NSUN3: variants seen among roughly 807,000 people sequenced by gnomAD.
NSUN3 encodes NOP2/Sun RNA methyltransferase 3.
Under a neutral mutation model 36.8 loss-of-function variants are expected in NSUN3, and 24 were observed. The observed-to-expected ratio is 0.65, with a 90% CI of 0.47 to 0.92. The LOEUF (loss-of-function observed/expected upper bound fraction) is 0.92. NSUN3 is among the 40% of genes least tolerant of loss of function. The pLI, the probability that NSUN3 is intolerant of heterozygous loss-of-function variation, is 0.00. For synonymous variants in NSUN3, 146 were observed against 145.2 expected (o/e 1.01, Z -0.04); for missense variants, 381 against 392.8 (o/e 0.97, Z 0.25).
intron 2 of NSUN3, among the ~76,000 whole-genome samples, chr3:94,066,217 A>C (rs1366282490): frequency 6.6e-6 from 1 of 152,080 alleles, no homozygotes; most frequent in Non-Finnish European, 1.5e-5. Context: ...CCTCAAATCC[A>C]TTTAATTAGC....
At chr3:94,087,849 T>C (rs1004843799) in intron 3 of NSUN3, among the ~76,000 whole-genome samples, 2 of 152,074 alleles carry the variant, frequency 1.3e-5, no homozygotes, top group East Asian at 3.9e-4. Context: ...TTGTATTTTT[T>C]GTAGAGATGG....
Position 94,090,274 on chromosome 3 carries a change from A to G in NSUN3, c.467-3866A>G, listed in dbSNP as rs1576088737. 2.6e-5 allele frequency among the ~76,000 whole-genome samples: 4 copies of G among 152,274 alleles called. No individual in the cohort carries two copies. The South Asian group carries it at 8.3e-4, about 32-fold the overall frequency. On this transcript the variant is annotated intron_variant, in intron 3 of 5. Transcript: ENST00000314622. ...TTGTCTCAATGTAGTAAGTGTTAGT[A>G]TATATATGAAACTTGCATTGTGACA... is the stretch of plus-strand genomic sequence containing the variant.
rs530487014 is a variant in NSUN3, at chr3:94,076,806, G to C, written c.123-7301G>C. On this transcript the variant is annotated intron_variant, in intron 2 of 5. Transcript: ENST00000314622. ...CGGGCCCTGTTTACTTCTCCTTCAT[G>C]GTTGATCTTGATTTCTATTTCAATT... 5.3e-5 allele frequency: 84 copies of C among 1,579,768 alleles called. 1 individual carries two copies. The South Asian group carries it at 8.6e-4, about 16-fold the overall frequency.
chr3:94,076,470 G>A (rs2077246754), intron 2 of NSUN3: 2 of 787,726 alleles, frequency 2.5e-6, no homozygotes, highest in Non-Finnish European at 4.7e-6. Context: ...TTATGGAACA[G>A]ATGCCAGGAA....
At chr3:94,083,019 A>T (rs2077276584) in intron 2 of NSUN3, among the ~76,000 whole-genome samples, 1 of 152,066 alleles carries the variant, frequency 6.6e-6, no homozygotes, top group Non-Finnish European at 1.5e-5. Flanking sequence ...TAGGAAATTG[A>T]ATATTGTCTC....
chr3:94,083,482 G>C (rs2077279380), intron 2 of NSUN3, among the ~76,000 whole-genome samples: 1 of 152,180 alleles, frequency 6.6e-6, no homozygotes, highest in South Asian at 2.1e-4. Context: ...CAATCAGTCT[G>C]ATTGGTTGGG....
rs192083989 is a variant in NSUN3 at position 94,082,683 on chromosome 3, C to T, written c.123-1424C>T. On this transcript the variant is annotated intron_variant, in intron 2 of 5. Transcript: ENST00000314622. ...TCCCAAATAACTCAGCTAGAAAGGT[C>T]GGCTAGTAAATAAATTAAATATTTC... is the stretch of plus-strand genomic sequence containing the variant. 1.2e-3 allele frequency among the ~76,000 whole-genome samples: 184 copies of T among 152,168 alleles called. 3 individuals are homozygous for T. The highest frequency in any genetic ancestry group is 4.1e-4 in the Non-Finnish European group (28 of 68,012).
At chr3:94,083,479 T>C (rs1051295989) in intron 2 of NSUN3, among the ~76,000 whole-genome samples, 1 of 152,182 alleles carries the variant, frequency 6.6e-6, no homozygotes, top group African/African-American at 2.4e-5. Context: ...CCGCAATCAG[T>C]CTGATTGGTT....
chr3:94,064,497 T>C lies in NSUN3; in HGVS notation c.73T>C (p.Phe25Leu). ...KQICKVVLDH[F>L]EKQYSKELGD... ...GATTTGCAAAGTTGTGTTGGATCAT[T>C]TTGAAAAACAGTATTCCAAAGAACT... Residue 25 changes from phenylalanine (F) to leucine (L), a missense_variant, in exon 2 of 6, where the codon TTT becomes CTT. Physicochemically the swap from Phe to Leu is conservative, Grantham distance 22. Coordinates refer to ENST00000314622, the MANE Select transcript of NSUN3 (RefSeq NM_022072.5). The C allele has an allele frequency of 6.2e-7, 1 of 1,613,846 alleles. No homozygotes were observed. Among genetic ancestry groups the C allele is most frequent in the Non-Finnish European group, 8.5e-7 (1 of 1,179,816 alleles).
At chr3:94,080,365 C>G (rs1201770008) in intron 2 of NSUN3, among the ~76,000 whole-genome samples, 1 of 152,132 alleles carries the variant, frequency 6.6e-6, no homozygotes, top group Non-Finnish European at 1.5e-5. Flanking sequence ...GGAGGTGTGT[C>G]CCAGTCAGGA....
In NSUN3 at chr3:94,063,125, C is replaced by G; in HGVS notation, c.-2C>G. 1 of 1,614,038 alleles carries G rather than the reference C, an allele frequency of 6.2e-7. No individual in the cohort carries two copies. Among genetic ancestry groups the G allele is most frequent in the Middle Eastern group, 1.7e-4 (1 of 6,042 alleles). On this transcript the variant is annotated 5_prime_UTR_variant, in exon 1 of 6. Coordinates refer to ENST00000314622, the MANE Select transcript of NSUN3 (RefSeq NM_022072.5). ...TGTTGTTTGAAAGCTCTCAGCGGGA[C>G]AATGCTGACCCAGGTGAGACCTGGG...
chr3:94,089,285 G>A (rs938522239), intron 3 of NSUN3, among the ~76,000 whole-genome samples: 1 of 152,148 alleles, frequency 6.6e-6, no homozygotes, highest in Non-Finnish European at 1.5e-5. Flanking sequence ...TGACTTAGCT[G>A]TTATCACACT....
At position 94,125,836 on chromosome 3, in the gene NSUN3, G is replaced by A. The variant is rs72929732; in HGVS notation, c.744-375G>A. 6.0e-3 allele frequency among the ~76,000 whole-genome samples: 919 copies of A among 152,286 alleles called. 11 individuals are homozygous for A. Among genetic ancestry groups the A allele is most frequent in the African/African-American group, 0.021 (871 of 41,556 alleles). The stretch of plus-strand genomic sequence containing the variant: ...AACACTTTGGGAGGCTAAAGCAGGC[G>A]ATCACTTGAGATCAGGAGTTCAAGA... On this transcript the variant is annotated intron_variant, in intron 5 of 5. Coordinates refer to ENST00000314622, the MANE Select transcript of NSUN3 (RefSeq NM_022072.5).
intron 5 of NSUN3, among the ~76,000 whole-genome samples, chr3:94,107,487 A>G (rs1402732507): frequency 6.6e-6 from 1 of 151,578 alleles, no homozygotes; most frequent in South Asian, 2.1e-4. Context: ...GGGTCTCTCT[A>G]TGTTACCCAG....
At chr3:94,105,266 G>A (rs2077384098) in intron 5 of NSUN3, among the ~76,000 whole-genome samples, 2 of 152,120 alleles carry the variant, frequency 1.3e-5, no homozygotes, top group African/African-American at 4.8e-5. Context: ...ATGATCCAAA[G>A]GATTGAACCT....
At chr3:94,074,714 T>C (rs538730251) in intron 2 of NSUN3, among the ~76,000 whole-genome samples, 1 of 152,342 alleles carries the variant, frequency 6.6e-6, no homozygotes, top group Middle Eastern at 3.4e-3. Flanking sequence ...GCTGAGACGA[T>C]GGGGCTTTCT....
At chr3:94,072,273 G>T (rs1200558469) in intron 2 of NSUN3, among the ~76,000 whole-genome samples, 1 of 152,136 alleles carries the variant, frequency 6.6e-6, no homozygotes, top group African/African-American at 2.4e-5. Flanking sequence ...AATCACTTCT[G>T]TTAGACTTTA....
chr3:94,082,949 C>T (rs2077276118), intron 2 of NSUN3, among the ~76,000 whole-genome samples: 1 of 152,168 alleles, frequency 6.6e-6, no homozygotes, highest in African/African-American at 2.4e-5. Flanking sequence ...CAGAAGAAAA[C>T]ACTCATTCCC....
intron 5 of NSUN3, among the ~76,000 whole-genome samples, chr3:94,125,555 A>G (rs2077482020): frequency 6.6e-6 from 1 of 152,238 alleles, no homozygotes; most frequent in South Asian, 2.1e-4. Flanking sequence ...GAAGTATGGA[A>G]TCAATGACTT....
Sources: allele counts gnomAD v4.1 joint callset (sites outside exome capture counted in the v4.1 genomes callset), GRCh38; gene constraint gnomAD v4.1.1; transcripts MANE v1.5; gene names NCBI Gene and HGNC (gene_info 2026-07-23, HGNC 2026-07-21).